The following IKZF3 variants were observed in gnomAD, a reference collection of about 807,000 sequenced individuals.
IKZF3 encodes the protein IKAROS family zinc finger 3.
A neutral mutation model predicts 49.0 loss-of-function variants in IKZF3; 10 were observed. The ratio of observed to expected loss-of-function variants is 0.20; its 90% CI spans 0.13 to 0.35. The LOEUF is 0.35. Among genes scored for constraint, IKZF3 ranks in the 10% least tolerant of loss-of-function variants. The probability of loss-of-function intolerance (pLI) is 1.00; values close to 1 mark genes in which losing one functional copy is unlikely to be tolerated. For missense variants in IKZF3, 498 were observed against 664.8 expected (o/e 0.75, Z 2.76); for synonymous variants, 209 against 228.2 (o/e 0.92, Z 0.76).
Position 39,761,196 on chromosome 17 carries a change from T to C in IKZF3, c.*4594A>G, listed in dbSNP as rs2060174629. On this transcript the variant is annotated 3_prime_UTR_variant, in exon 8 of 8. Coordinates refer to ENST00000346872, the MANE Select transcript of IKZF3 (RefSeq NM_012481.5). The stretch of plus-strand genomic sequence containing the variant: ...TTGTCACTGACAAAGTCAGAAGCTG[T>C]GTCAGGAACAGCTCACAGTGGGTCA... 2.0e-5 allele frequency: 3 copies of C among 152,226 alleles called. No individual in the cohort carries two copies. The highest frequency in any genetic ancestry group is 7.2e-5 in the African/African-American group (3 of 41,450). 9.4% of individuals were successfully genotyped at this position (152,226 alleles called of 1,614,324 possible). A position where few individuals can be genotyped will look rare whatever the true frequency, so the allele number is the denominator to read the frequency against.
At chr17:39,850,941 ATATATTATATACACGTATATTATATACG>A (rs2062849854) in intron 1 of IKZF3, among the ~76,000 whole-genome samples, 1 of 136,050 alleles carries the variant, frequency 7.4e-6, no homozygotes, top group Non-Finnish European at 1.5e-5. Context: ...ATATACGTGT[ATATATTATATACACGTATATTATATACG>A]TGTATATATT....
At chr17:39,804,772 T>G (rs2061397597) in intron 3 of IKZF3, among the ~76,000 whole-genome samples, 1 of 152,212 alleles carries the variant, frequency 6.6e-6, no homozygotes, top group South Asian at 2.1e-4. Context: ...CCTTGGCTTA[T>G]TCTTTGCTGG....
chr17:39,844,810 T>TG (rs979335719), intron 1 of IKZF3, among the ~76,000 whole-genome samples: 5 of 152,190 alleles, frequency 3.3e-5, no homozygotes, highest in African/African-American at 4.8e-5. Flanking sequence ...TTAGTAGAGA[T>TG]GGGGTTTCTC....
intron 6 of IKZF3, among the ~76,000 whole-genome samples, chr17:39,784,683 C>T (rs1039368461): frequency 8.5e-5 from 13 of 152,080 alleles, no homozygotes; most frequent in African/African-American, 1.2e-4. Flanking sequence ...ATTACAGGCG[C>T]GACCCACCGC....
intron 1 of IKZF3, among the ~76,000 whole-genome samples, chr17:39,840,757 A>G (rs1458189276): frequency 6.6e-6 from 1 of 152,220 alleles, no homozygotes; most frequent in Admixed American, 6.5e-5. Context: ...TTGGCATGGG[A>G]TGTCAAAATC....
intron 1 of IKZF3, among the ~76,000 whole-genome samples, chr17:39,844,276 G>T (rs2062563781): frequency 6.6e-6 from 1 of 152,036 alleles, no homozygotes. Context: ...TACATATCTG[G>T]GGCAAATGAT....
intron 5 of IKZF3, among the ~76,000 whole-genome samples, chr17:39,789,699 G>C (rs1420506293): frequency 6.6e-6 from 1 of 150,620 alleles, no homozygotes; most frequent in East Asian, 1.9e-4. Flanking sequence ...CTGTACTCCA[G>C]CCTGGGTGAC....
At position 39,791,520 on chromosome 17, in the gene IKZF3, C is replaced by A. The variant is rs1483605389; in HGVS notation, c.488G>T (p.Arg163Leu). ...TTCCCCTGTGTGCAGTTTAATGTGG[C>A]GGAGGAGGTTACCTTTCTGAGTAAA... is the stretch of plus-strand genomic sequence containing the variant. ...ASFTQKGNLL[R>L]HIKLHTGEKP... The change falls in exon 5 of 8, where the codon CGC becomes CTC. Residue 163 changes from arginine (R) to leucine (L), a missense_variant. Around this residue, in one of 3 missense-constraint regions of IKZF3, gnomAD observed 84 missense variants for 168.6 expected, o/e 0.50. Coordinates refer to ENST00000346872, the MANE Select transcript of IKZF3 (RefSeq NM_012481.5). The A allele has an allele frequency of 1.2e-6, 2 of 1,613,914 alleles. No individual in the cohort carries two copies. Among genetic ancestry groups the A allele is most frequent in the Non-Finnish European group, 1.7e-6 (2 of 1,179,952 alleles).
At chr17:39,847,926 T>G (rs2062681347) in intron 1 of IKZF3, among the ~76,000 whole-genome samples, 2 of 152,192 alleles carry the variant, frequency 1.3e-5, no homozygotes, top group Admixed American at 1.3e-4. Context: ...CTATACAGAT[T>G]ACAGATTTTA....
intron 3 of IKZF3, among the ~76,000 whole-genome samples, chr17:39,822,080 C>A (rs1234722483): frequency 1.3e-5 from 2 of 152,124 alleles, no homozygotes; most frequent in African/African-American, 2.4e-5. Flanking sequence ...CAGATAAGAG[C>A]CATTATAAGG....
chr17:39,862,875 G>T (rs1038364744), intron 1 of IKZF3, among the ~76,000 whole-genome samples: 1 of 152,046 alleles, frequency 6.6e-6, no homozygotes, highest in African/African-American at 2.4e-5. Flanking sequence ...TTAAATAAAT[G>T]AATTTGGAAG....
intron 1 of IKZF3, chr17:39,839,580 G>C (rs2144383428): frequency 2.1e-6 from 1 of 472,926 alleles, no homozygotes; most frequent in Non-Finnish European, 4.1e-6. Flanking sequence ...AGAGAGGACT[G>C]TTTCTTTATT....
At chr17:39,847,108 A>C (rs775850623) in intron 1 of IKZF3, among the ~76,000 whole-genome samples, 19 of 152,168 alleles carry the variant, frequency 1.2e-4, no homozygotes, top group African/African-American at 2.4e-4. Flanking sequence ...TGAGGCACTG[A>C]TTATAAGAAT....
intron 1 of IKZF3, among the ~76,000 whole-genome samples, chr17:39,860,821 T>C (rs1465341255): frequency 6.6e-6 from 1 of 152,222 alleles, no homozygotes; most frequent in East Asian, 1.9e-4. Context: ...ATCCTCAGCA[T>C]CACATAATAT....
At chr17:39,807,287 T>C (rs1304654995) in intron 3 of IKZF3, among the ~76,000 whole-genome samples, 1 of 152,088 alleles carries the variant, frequency 6.6e-6, no homozygotes, top group Non-Finnish European at 1.5e-5. Flanking sequence ...ATAACCTATG[T>C]CCACATAAAG....
chr17:39,855,952 T>TA (rs2063029097), intron 1 of IKZF3, among the ~76,000 whole-genome samples: 1 of 151,730 alleles, frequency 6.6e-6, no homozygotes, highest in South Asian at 2.1e-4. Flanking sequence ...TGTATTATAA[T>TA]ATACAATGTA....
chr17:39,786,437 G>C (rs1470830249), intron 6 of IKZF3, among the ~76,000 whole-genome samples: 4 of 152,118 alleles, frequency 2.6e-5, no homozygotes, highest in Non-Finnish European at 4.4e-5. Context: ...TACAGTGAGA[G>C]CTTTGCCTAT....
rs1398113149 is a variant in IKZF3, at chr17:39,763,925, C to T, written c.*1865G>A. On this transcript the variant is annotated 3_prime_UTR_variant, in exon 8 of 8. Coordinates refer to ENST00000346872, the MANE Select transcript of IKZF3 (RefSeq NM_012481.5). ...CTGGAGTGCAGTAGTGTGATCTCCACTCACCGCAACCTCAACCTCCCAGGC... is the reference window on the plus strand; with the variant it reads ...CTGGAGTGCAGTAGTGTGATCTCCATTCACCGCAACCTCAACCTCCCAGGC... 1 of 152,186 alleles carries T rather than the reference C, an allele frequency of 6.6e-6. No homozygotes were observed. The highest frequency in any genetic ancestry group is 1.5e-5 in the Non-Finnish European group (1 of 68,052). The allele number at this position is 152,186 out of a possible 1,614,324, so 9.4% of individuals were successfully genotyped here. A position where few individuals can be genotyped will look rare whatever the true frequency, so the allele number is the denominator to read the frequency against.
chr17:39,833,214 AT>A (rs1764947696), intron 1 of IKZF3, among the ~76,000 whole-genome samples: 1 of 152,124 alleles, frequency 6.6e-6, no homozygotes, highest in Non-Finnish European at 1.5e-5. Context: ...ACATTTCAGC[AT>A]GATTATTATT....
Sources: gnomAD v4.1 joint callset for allele counts (sites outside exome capture counted in the v4.1 genomes callset) on GRCh38, gnomAD v4.1.1 for gene constraint, gnomAD v4.1.1 regional missense constraint, MANE v1.5 for transcripts, NCBI Gene and HGNC (gene_info 2026-07-23, HGNC 2026-07-21) for gene names.